Variants in LYPLA1 observed in about 807,000 individuals in gnomAD.
LYPLA1 encodes lysophospholipase 1.
LYPLA1 carries 17 observed loss-of-function variants against 34.0 expected under a neutral mutation model. That is an observed-to-expected ratio of 0.50 (90% CI 0.34 to 0.75). The LOEUF (loss-of-function observed/expected upper bound fraction) is 0.75. Ranked by LOEUF, LYPLA1 falls within the 30% of genes least tolerant of loss-of-function variation. The pLI is 0.01. For missense variants in LYPLA1, 203 were observed against 288.8 expected, an observed-to-expected ratio of 0.70 and a Z score of 2.15; for synonymous variants, 98 against 100.8, an observed-to-expected ratio of 0.97 and a Z score of 0.17.
intron 2 of LYPLA1, 172 bp downstream of exon 2, chr8:54,100,736 G>C: frequency 1.6e-6 from 1 of 619,536 alleles, no homozygotes; most frequent in Non-Finnish European, 2.9e-6. Flanking sequence ...ACGATGATAA[G>C]GGGAAAATTC....
intron 2 of LYPLA1, among the ~76,000 whole-genome samples, chr8:54,092,279 AGGAAGAGAAGGAGGG>A (rs773694429): frequency 1.2e-3 from 180 of 149,920 alleles, no homozygotes; most frequent in Non-Finnish European, 2.1e-3. Context: ...AGGAGAAAGA[AGGAAGAGAAGGAGGG>A]GGAAGAGAAG....
chr8:54,087,886 G>A lies in LYPLA1; in HGVS notation c.101+13022C>T, dbSNP rs367875164. The stretch of plus-strand genomic sequence containing the variant: ...AGTAGCTGTGTCACGAGAGTACACC[G>A]AACAAAGGAGACAGAGTCATTTATA... On this transcript the variant is annotated intron_variant, in intron 2 of 8. Coordinates refer to ENST00000316963, the MANE Select transcript of LYPLA1 (RefSeq NM_006330.4). Among the ~76,000 whole-genome samples, 19 of 152,284 alleles carry A rather than the reference G, an allele frequency of 1.2e-4. No individual in the cohort carries two copies. The East Asian group carries it at 1.5e-3, about 12-fold the overall frequency.
Position 54,063,480 on chromosome 8 carries a change from T to C in LYPLA1, c.168-105A>G, listed in dbSNP as rs1225900252. On this transcript the variant is annotated intron_variant, in intron 3 of 8. Transcript: ENST00000316963. ...ATTGCTTGAGACCTACACAAAACTA[T>C]ATGCTACAGTTTTAACATATGAACT... The C allele has an allele frequency of 2.3e-5, 17 of 725,104 alleles. No individual in the cohort carries two copies. In the East Asian group the frequency reaches 4.4e-4, roughly 19 times the overall value. The allele number at this position is 725,104 out of a possible 1,614,324, so 44.9% of individuals were successfully genotyped here. A position where few individuals can be genotyped will look rare whatever the true frequency, so the allele number is the denominator to read the frequency against.
At position 54,097,713 on chromosome 8, in the gene LYPLA1, A is replaced by G. The variant is rs535188570; in HGVS notation, c.101+3195T>C. On this transcript the variant is annotated intron_variant, in intron 2 of 8. Coordinates refer to ENST00000316963, the MANE Select transcript of LYPLA1 (RefSeq NM_006330.4). The stretch of plus-strand genomic sequence containing the variant: ...AAATTCCAGAAATAAACAGTGGGGG[A>G]TGCTCTAAAACCCCTAGTGGATGCC... Among the ~76,000 whole-genome samples the G allele has an allele frequency of 2.1e-4, 32 of 152,274 alleles. 1 individual carries two copies. The South Asian group carries it at 5.2e-3, about 25-fold the overall frequency.
chr8:54,075,245 C>A (rs1392798627), intron 2 of LYPLA1, among the ~76,000 whole-genome samples: 1 of 152,226 alleles, frequency 6.6e-6, no homozygotes, highest in African/African-American at 2.4e-5. Context: ...AGAAGCAGAA[C>A]AACTGATTTG....
intron 2 of LYPLA1, among the ~76,000 whole-genome samples, chr8:54,089,661 T>G (rs1209059597): frequency 2.6e-5 from 4 of 151,900 alleles, no homozygotes; most frequent in Non-Finnish European, 5.9e-5. Context: ...GTCTCACTGT[T>G]GCGCAAGCTG....
intron 2 of LYPLA1, among the ~76,000 whole-genome samples, chr8:54,081,642 C>A (rs1214477412): frequency 6.6e-6 from 1 of 151,974 alleles, no homozygotes; most frequent in Non-Finnish European, 1.5e-5. Context: ...GTCTCAAACT[C>A]CTGACCTCGT....
intron 2 of LYPLA1, among the ~76,000 whole-genome samples, chr8:54,084,656 A>T (rs1314533485): frequency 1.3e-5 from 2 of 152,230 alleles, no homozygotes; most frequent in Non-Finnish European, 2.9e-5. Flanking sequence ...AGCTAGATCA[A>T]CCAAAGAAAA....
intron 2 of LYPLA1, among the ~76,000 whole-genome samples, chr8:54,075,321 C>T (rs938878672): frequency 6.6e-6 from 1 of 152,206 alleles, no homozygotes; most frequent in Non-Finnish European, 1.5e-5. Context: ...AGAGGTTATG[C>T]TTGTGTTTCT....
intron 2 of LYPLA1, among the ~76,000 whole-genome samples, chr8:54,072,307 A>G (rs1055355197): frequency 6.6e-6 from 1 of 152,196 alleles, no homozygotes; most frequent in African/African-American, 2.4e-5. Context: ...AGGAAATACC[A>G]TTTTAGACAT....
intron 2 of LYPLA1, among the ~76,000 whole-genome samples, chr8:54,077,921 G>T (rs539592252): frequency 1.1e-4 from 16 of 151,952 alleles, no homozygotes; most frequent in Non-Finnish European, 2.2e-4. Flanking sequence ...TGGTTTCATG[G>T]GTGTAAGTAA....
chr8:54,087,427 G>T (rs1397351938), intron 2 of LYPLA1, among the ~76,000 whole-genome samples: 5 of 152,140 alleles, frequency 3.3e-5, no homozygotes, highest in African/African-American at 1.2e-4. Context: ...GAACCCAGGG[G>T]AGGCAGAGAC....
intron 2 of LYPLA1, among the ~76,000 whole-genome samples, chr8:54,093,173 A>T (rs988979930): frequency 4.6e-5 from 7 of 152,242 alleles, no homozygotes; most frequent in Admixed American, 4.6e-4. Flanking sequence ...AAATCTACAG[A>T]AAGAAGCAAG....
At chr8:54,053,739 A>G (rs1327965238) in intron 6 of LYPLA1, 2 of 456,174 alleles carry the variant, frequency 4.4e-6, no homozygotes, top group African/African-American at 4.0e-5. Context: ...TTGTTTATGG[A>G]AAGGTAAATG....
intron 1 of LYPLA1, chr8:54,101,306 T>C (rs972257769): frequency 7.5e-6 from 8 of 1,072,896 alleles, no homozygotes; most frequent in Non-Finnish European, 9.0e-6. Context: ...AAAAATAAGT[T>C]TGACTTTTCA....
intron 2 of LYPLA1, among the ~76,000 whole-genome samples, chr8:54,100,062 T>G (rs1466319306): frequency 6.6e-6 from 1 of 152,212 alleles, no homozygotes; most frequent in Non-Finnish European, 1.5e-5. Context: ...TTTTCCTCTA[T>G]TTCTGCAATT....
At chr8:54,043,392 C>T (rs1416322263), downstream of LYPLA1, among the ~76,000 whole-genome samples, 1 of 152,124 alleles carries the variant, frequency 6.6e-6, no homozygotes, top group African/African-American at 2.4e-5. Context: ...TCTCCTGCCT[C>T]AGCCTCCTGA....
intron 2 of LYPLA1, among the ~76,000 whole-genome samples, chr8:54,076,667 T>A (rs1441230150): frequency 6.6e-6 from 1 of 152,210 alleles, no homozygotes; most frequent in African/African-American, 2.4e-5. Flanking sequence ...AAGGAACACC[T>A]GGCCCCGCTT....
chr8:54,082,896 T>C (rs1808421669), intron 2 of LYPLA1, among the ~76,000 whole-genome samples: 1 of 152,104 alleles, frequency 6.6e-6, no homozygotes, highest in Non-Finnish European at 1.5e-5. Context: ...CTGGCTAATT[T>C]TTTGTATTTT....
Sources: gnomAD v4.1 joint callset for allele counts (sites outside exome capture counted in the v4.1 genomes callset) on GRCh38, gnomAD v4.1.1 for gene constraint, MANE v1.5 for transcripts, NCBI Gene and HGNC (gene_info 2026-07-23, HGNC 2026-07-21) for gene names.